The following MSI2 variants were observed in gnomAD, a reference collection of about 807,000 sequenced individuals.
MSI2 encodes RNA-binding protein Musashi homolog 2.
In MSI2, 17 loss-of-function variants were observed where a neutral mutation model predicts 45.6. That is an observed-to-expected ratio of 0.37 (90% CI 0.26 to 0.56). The LOEUF (loss-of-function observed/expected upper bound fraction) is 0.56, where lower values mean the gene tolerates loss of function less well. Ranked by LOEUF, MSI2 falls within the 20% of genes least tolerant of loss-of-function variation. The probability of loss-of-function intolerance (pLI) is 0.77; values close to 1 mark genes in which losing one functional copy is unlikely to be tolerated. For synonymous variants in MSI2, 156 were observed against 158.2 expected (o/e 0.99, Z 0.11); for missense variants, 293 against 444.2 (o/e 0.66, Z 3.06).
At position 57,300,753 on chromosome 17, in the gene MSI2, C is replaced by G. The variant is rs1911353628; in HGVS notation, c.312+38561C>G. Among the ~76,000 whole-genome samples, 3 of 152,186 alleles carry G rather than the reference C, an allele frequency of 2.0e-5. 1 individual carries two copies. In the South Asian group the frequency reaches 6.2e-4, roughly 31 times the overall value. On this transcript the variant is annotated intron_variant, in intron 5 of 13. Coordinates refer to ENST00000284073, the MANE Select transcript of MSI2 (RefSeq NM_138962.4). ...GCGACAGTCATGTCTTACATGGTGGCAGACAAGAGAGAATGCAAGTCAAGC... is the reference window on the plus strand; with the variant it reads ...GCGACAGTCATGTCTTACATGGTGGGAGACAAGAGAGAATGCAAGTCAAGC...
At chr17:57,312,043 C>T (rs928167401) in intron 5 of MSI2, among the ~76,000 whole-genome samples, 1 of 152,176 alleles carries the variant, frequency 6.6e-6, no homozygotes, top group African/African-American at 2.4e-5. Flanking sequence ...CAAGTCATAG[C>T]ACTCAAGCCT....
chr17:57,318,275 C>T (rs978652901), intron 5 of MSI2, among the ~76,000 whole-genome samples: 4 of 152,018 alleles, frequency 2.6e-5, no homozygotes, highest in Non-Finnish European at 4.4e-5. Context: ...GTGGGAGACC[C>T]GGGGAGGTTT....
intron 10 of MSI2, among the ~76,000 whole-genome samples, chr17:57,647,638 AT>A (rs201259700): frequency 6.7e-6 from 1 of 148,582 alleles, no homozygotes. Context: ...TGTCACCAAC[AT>A]TTTTTTTCTT....
At chr17:57,306,104 C>T (rs1911861805) in intron 5 of MSI2, among the ~76,000 whole-genome samples, 1 of 151,940 alleles carries the variant, frequency 6.6e-6, no homozygotes, top group African/African-American at 2.4e-5. Context: ...AGAGAGAAGC[C>T]TGGCCTTTGC....
Position 57,596,791 on chromosome 17 carries a change from C to T in MSI2, c.455-77C>T, listed in dbSNP as rs1905279782. The T allele has an allele frequency of 3.9e-6, 4 of 1,022,360 alleles. No homozygotes were observed. Among genetic ancestry groups the T allele is most frequent in the Non-Finnish European group, 6.1e-6 (4 of 651,016 alleles). The allele number at this position is 1,022,360 out of a possible 1,614,324, so 63.3% of individuals were successfully genotyped here. On this transcript the variant is annotated intron_variant, in intron 7 of 13. Coordinates refer to ENST00000284073, the MANE Select transcript of MSI2 (RefSeq NM_138962.4). This position sits in a 1 kb window ranked among gnomAD's most constrained non-coding sequence, Gnocchi z 4.6. ...GGAGGCTGTCAAGACCTCAGGACGT[C>T]AGAGAAAAACCTGGGCCTGCCAGAA...
At chr17:57,448,327 T>C (rs1015771609) in intron 6 of MSI2, 9 of 152,210 alleles carry the variant, frequency 5.9e-5, no homozygotes, top group Admixed American at 1.3e-4. Context: ...GAAAAATTAA[T>C]GAAACTATTG....
At chr17:57,616,799 T>C (rs1354591551) in intron 9 of MSI2, among the ~76,000 whole-genome samples, 1 of 152,164 alleles carries the variant, frequency 6.6e-6, no homozygotes, top group Non-Finnish European at 1.5e-5. Flanking sequence ...GCATGAAAGA[T>C]GGAGAAAGCA....
chr17:57,497,283 A>T (rs1483831493), intron 6 of MSI2, among the ~76,000 whole-genome samples: 1 of 152,150 alleles, frequency 6.6e-6, no homozygotes, highest in African/African-American at 2.4e-5. Flanking sequence ...AGCCTATTGG[A>T]CCCCTTTAAA....
chr17:57,348,309 C>T (rs1182735033), intron 5 of MSI2, among the ~76,000 whole-genome samples: 1 of 152,092 alleles, frequency 6.6e-6, no homozygotes. Flanking sequence ...GACAAGAGGC[C>T]ACTGCTCAGT....
At chr17:57,373,414 T>C (rs2143974279) in intron 5 of MSI2, among the ~76,000 whole-genome samples, 1 of 152,282 alleles carries the variant, frequency 6.6e-6, no homozygotes, top group South Asian at 2.1e-4. Flanking sequence ...TCTTTTTAAA[T>C]GAAGATATTG....
rs185326400 is a variant in MSI2, at chr17:57,616,221, G to T, written c.652+137G>T. ...AGTTTCCTTGTCTGTAGATGAGGATGATAATTCCCCGTTCCAAGACAGTTG... is the reference window on the plus strand; with the variant it reads ...AGTTTCCTTGTCTGTAGATGAGGATTATAATTCCCCGTTCCAAGACAGTTG... On this transcript the variant is annotated intron_variant, in intron 9 of 13. Coordinates refer to ENST00000284073, the MANE Select transcript of MSI2 (RefSeq NM_138962.4). 2.0e-3 allele frequency: 1,248 copies of T among 638,916 alleles called. 6 individuals carry two copies. Among genetic ancestry groups the T allele is most frequent in the Non-Finnish European group, 2.3e-3 (835 of 361,416 alleles). The allele number at this position is 638,916 out of a possible 1,614,324, so 39.6% of individuals were successfully genotyped here. A position where few individuals can be genotyped will look rare whatever the true frequency, so the allele number is the denominator to read the frequency against.
At chr17:57,488,235 CTCCTCG>C (rs1489235912) in intron 6 of MSI2, among the ~76,000 whole-genome samples, 1 of 152,192 alleles carries the variant, frequency 6.6e-6, no homozygotes, top group African/African-American at 2.4e-5. Context: ...CAGCTCCCTT[CTCCTCG>C]TCCCAGGAGG....
At chr17:57,290,485 AT>A (rs1369527093) in intron 5 of MSI2, among the ~76,000 whole-genome samples, 7 of 152,124 alleles carry the variant, frequency 4.6e-5, no homozygotes, top group Admixed American at 4.6e-4. Flanking sequence ...ATTTTTAAAA[AT>A]TTTTTGTAGA....
intron 7 of MSI2, among the ~76,000 whole-genome samples, chr17:57,578,477 T>TG (rs562628335): frequency 1.1e-4 from 16 of 151,548 alleles, no homozygotes; most frequent in African/African-American, 2.2e-4. Flanking sequence ...GTGCCAGGAC[T>TG]GGGGGGGTAG....
intron 6 of MSI2, among the ~76,000 whole-genome samples, chr17:57,491,168 T>C (rs184886386): frequency 4.6e-5 from 7 of 152,380 alleles, no homozygotes; most frequent in Non-Finnish European, 5.9e-5. Flanking sequence ...TTTATTCGGA[T>C]TCTCCTGTAG....
chr17:57,504,415 G>C (rs1052553086), intron 6 of MSI2, among the ~76,000 whole-genome samples: 3 of 152,210 alleles, frequency 2.0e-5, no homozygotes, highest in Non-Finnish European at 4.4e-5. Flanking sequence ...GGACTTGACT[G>C]GGGGTGTGCG....
intron 6 of MSI2, among the ~76,000 whole-genome samples, chr17:57,421,716 T>C (rs946616142): frequency 1.3e-5 from 2 of 152,182 alleles, no homozygotes; most frequent in Admixed American, 1.3e-4. Context: ...AGACCCTATC[T>C]GTACAAAAAA....
At position 57,319,340 on chromosome 17, in the gene MSI2, G is replaced by A. The variant is rs9904821; in HGVS notation, c.312+57148G>A. ...CTTCTCAAGATCACACATGTGTTTC[G>A]GTGGCATGGCCAGGACGGGAACATG... is the stretch of plus-strand genomic sequence containing the variant. On this transcript the variant is annotated intron_variant, in intron 5 of 13. Coordinates refer to ENST00000284073, the MANE Select transcript of MSI2 (RefSeq NM_138962.4). Among the ~76,000 whole-genome samples, 415 of 152,298 alleles carry A rather than the reference G, an allele frequency of 2.7e-3. 2 individuals carry two copies. Among genetic ancestry groups the A allele is most frequent in the African/African-American group, 9.4e-3 (392 of 41,552 alleles).
intron 6 of MSI2, among the ~76,000 whole-genome samples, chr17:57,454,409 CCT>C (rs566219823): frequency 2.0e-5 from 3 of 150,992 alleles, no homozygotes; most frequent in Non-Finnish European, 4.4e-5. Flanking sequence ...TTCCTTCTTT[CCT>C]CTCTCTCTCT....
Sources: allele counts gnomAD v4.1 joint callset (sites outside exome capture counted in the v4.1 genomes callset), GRCh38; gene constraint gnomAD v4.1.1; non-coding constraint Gnocchi (gnomAD v3.1); transcripts MANE v1.5; gene names NCBI Gene and HGNC (gene_info 2026-07-23, HGNC 2026-07-21).